Variants in ELAVL2 observed in about 807,000 individuals in gnomAD.
ELAVL2 encodes the protein ELAV-like protein 2.
A neutral mutation model predicts 34.6 loss-of-function variants in ELAVL2; 4 were observed. The observed-to-expected ratio is 0.12, with a 90% confidence interval of 0.06 to 0.26. The LOEUF (loss-of-function observed/expected upper bound fraction) is 0.26. Among genes scored for constraint, ELAVL2 ranks in the 10% least tolerant of loss-of-function variants. The probability of loss-of-function intolerance (pLI) is 1.00; values close to 1 mark genes in which losing one functional copy is unlikely to be tolerated. For missense variants in ELAVL2, 432 were observed against 442.8 expected (o/e 0.98, Z 0.22); for synonymous variants, 193 against 154.8 (o/e 1.25, Z -1.83).
intron 1 of ELAVL2, among the ~76,000 whole-genome samples, chr9:23,764,282 A>G (rs57784964): frequency 7.4e-4 from 113 of 152,276 alleles, no homozygotes; most frequent in African/African-American, 2.6e-3. Context: ...TTTGAAATAC[A>G]AAGTGTTCAT....
At chr9:23,758,868 G>A (rs543612080) in intron 2 of ELAVL2, among the ~76,000 whole-genome samples, 1 of 152,104 alleles carries the variant, frequency 6.6e-6, no homozygotes, top group Admixed American at 6.6e-5. Flanking sequence ...TCCTAAACTT[G>A]TCTGTCAATA....
At chr9:23,815,154 G>A (rs1358981348) in intron 1 of ELAVL2, among the ~76,000 whole-genome samples, 2 of 151,932 alleles carry the variant, frequency 1.3e-5, no homozygotes, top group Non-Finnish European at 1.5e-5. Context: ...CAGAGAAAAC[G>A]CGGACTATTT....
chr9:23,821,925 C>T (rs956506146), intron 1 of ELAVL2: 8 of 151,278 alleles, frequency 5.3e-5, no homozygotes, highest in Admixed American at 3.3e-4. Flanking sequence ...GCGCCGCGGC[C>T]GCCGCCGGCG....
chr9:23,794,659 A>G (rs147520034), intron 1 of ELAVL2, among the ~76,000 whole-genome samples: 132 of 152,352 alleles, frequency 8.7e-4, no homozygotes, highest in African/African-American at 3.1e-3. Context: ...TATTAAAATT[A>G]CACAAAGCTT....
At chr9:23,775,090 G>A (rs937926132) in intron 1 of ELAVL2, among the ~76,000 whole-genome samples, 2 of 152,178 alleles carry the variant, frequency 1.3e-5, no homozygotes, top group African/African-American at 4.8e-5. Context: ...TGGGATTTGA[G>A]TATCTTTTGC....
intron 3 of ELAVL2, among the ~76,000 whole-genome samples, chr9:23,708,977 G>A (rs1184374077): frequency 6.6e-6 from 1 of 152,150 alleles, no homozygotes; most frequent in Non-Finnish European, 1.5e-5. Context: ...TAAGAAAAGA[G>A]AAGTGGCCAC....
chr9:23,714,706 T>G (rs2041859846), intron 3 of ELAVL2, among the ~76,000 whole-genome samples: 1 of 152,154 alleles, frequency 6.6e-6, no homozygotes, highest in African/African-American at 2.4e-5. Context: ...TGGAATAACT[T>G]CTATCTTGAG....
the ELAVL2 span, among the ~76,000 whole-genome samples, chr9:23,844,951 T>C: frequency 6.6e-6 from 1 of 152,064 alleles, no homozygotes; most frequent in East Asian, 1.9e-4. Flanking sequence ...TTTCTTAAGA[T>C]CCTTTGTTTT....
chr9:23,779,446 G>C lies in ELAVL2; in HGVS notation c.-15-17197C>G. On this transcript the variant is annotated intron_variant, in intron 1 of 6. Coordinates refer to ENST00000397312, the MANE Select transcript of ELAVL2 (RefSeq NM_004432.5). ...ATCTGGGAGGTGGCTGAGGGAATAT[G>C]AAAGCTAGAGAGTGGGTGGGCGGGC... The C allele has an allele frequency of 7.1e-6, 7 of 982,156 alleles. No homozygotes were observed. In the South Asian group the frequency reaches 3.3e-4, roughly 46 times the overall value. The allele number at this position is 982,156 out of a possible 1,614,324, so 60.8% of individuals were successfully genotyped here.
At chr9:23,848,106 T>C in the ELAVL2 span, among the ~76,000 whole-genome samples, 6 of 152,082 alleles carry the variant, frequency 3.9e-5, no homozygotes, top group Admixed American at 3.9e-4. Flanking sequence ...TTTCTTTGTT[T>C]AGCACTGTAT....
At chr9:23,717,248 A>G (rs2042551560) in intron 3 of ELAVL2, among the ~76,000 whole-genome samples, 1 of 152,202 alleles carries the variant, frequency 6.6e-6, no homozygotes, top group Admixed American at 6.5e-5. Flanking sequence ...TACTGCTTAG[A>G]GAAACTTCAT....
At chr9:23,830,559 T>G (rs1394715149), upstream of ELAVL2, among the ~76,000 whole-genome samples, 1 of 151,044 alleles carries the variant, frequency 6.6e-6, no homozygotes, top group African/African-American at 2.4e-5. Flanking sequence ...GGTAAATCTT[T>G]GAGACCAGCC....
intron 3 of ELAVL2, among the ~76,000 whole-genome samples, chr9:23,715,664 G>A (rs2042108630): frequency 6.6e-6 from 1 of 152,154 alleles, no homozygotes; most frequent in Non-Finnish European, 1.5e-5. Flanking sequence ...ATCTCGAACA[G>A]ATGCCAATAC....
intron 3 of ELAVL2, among the ~76,000 whole-genome samples, chr9:23,711,238 C>T (rs943309871): frequency 1.3e-5 from 2 of 151,944 alleles, no homozygotes; most frequent in African/African-American, 4.8e-5. Context: ...ACGGATATTC[C>T]AAAATATAGG....
intron 5 of ELAVL2, among the ~76,000 whole-genome samples, chr9:23,697,312 A>G (rs1268145898): frequency 6.6e-6 from 1 of 152,234 alleles, no homozygotes; most frequent in Admixed American, 6.5e-5. Context: ...TACAAGCTAC[A>G]TTATAAGGTT....
intron 2 of ELAVL2, among the ~76,000 whole-genome samples, chr9:23,747,632 C>G (rs1420602642): frequency 1.3e-5 from 2 of 152,182 alleles, no homozygotes; most frequent in Non-Finnish European, 2.9e-5. Flanking sequence ...CTTTTGGAAA[C>G]TCCCTACAAA....
At chr9:23,786,781 C>CAAAAAAAAAA (rs57292061) in intron 1 of ELAVL2, among the ~76,000 whole-genome samples, 2 of 108,142 alleles carry the variant, frequency 1.8e-5, no homozygotes, top group Non-Finnish European at 3.8e-5. Flanking sequence ...ATTTTAGTGG[C>CAAAAAAAAAA]AAAAAAAAAA....
intron 2 of ELAVL2, among the ~76,000 whole-genome samples, chr9:23,749,044 C>T (rs2051228651): frequency 1.3e-5 from 2 of 151,998 alleles, no homozygotes; most frequent in South Asian, 4.1e-4. Context: ...TGACAAGGTA[C>T]TGGAAATGGA....
At chr9:23,781,238 A>T (rs1306831638) in intron 1 of ELAVL2, among the ~76,000 whole-genome samples, 2 of 152,192 alleles carry the variant, frequency 1.3e-5, no homozygotes, top group Non-Finnish European at 2.9e-5. Flanking sequence ...CTTCTTGAGA[A>T]TTGTTTTCTG....
Sources: allele counts gnomAD v4.1 joint callset (sites outside exome capture counted in the v4.1 genomes callset), GRCh38; gene constraint gnomAD v4.1.1; transcripts MANE v1.5; gene names NCBI Gene and HGNC (gene_info 2026-07-23, HGNC 2026-07-21).